Variants in PCDHA1 observed in about 807,000 individuals in gnomAD.
PCDHA1 encodes the protein protocadherin alpha 1.
Under a neutral mutation model 61.3 loss-of-function variants are expected in PCDHA1, and 42 were observed. That is an observed-to-expected ratio of 0.69 (90% confidence interval 0.54 to 0.89). PCDHA1 has a LOEUF of 0.89. Among genes scored for constraint, PCDHA1 ranks in the 40% least tolerant of loss-of-function variants. PCDHA1 has a pLI of 0.00. For synonymous variants in PCDHA1, 610 were observed against 553.8 expected (o/e 1.10, Z -1.43); for missense variants, 1,256 against 1,235.3 (o/e 1.02, Z -0.25).
Position 140,807,876 on chromosome 5 carries a change from T to A in PCDHA1, c.2394+19192T>A, listed in dbSNP as rs781990148. 1.9e-6 allele frequency: 3 copies of A among 1,614,154 alleles called. No individual in the cohort carries two copies. In the South Asian group the frequency reaches 3.3e-5, roughly 18 times the overall value. On this transcript the variant is annotated intron_variant, in intron 1 of 3. Transcript: ENST00000504120. ...TTGACTGGCACCGTTCAGTTACTCA[T>A]CACAGTACTGGATGCCAATGACAAT...
chr5:140,924,747 T>G (rs1026870483), intron 1 of PCDHA1, among the ~76,000 whole-genome samples: 2 of 151,786 alleles, frequency 1.3e-5, no homozygotes, highest in African/African-American at 4.8e-5. Flanking sequence ...ATACAAAAAT[T>G]AACCGAGCAT....
chr5:140,828,715 C>A (rs1301928417), intron 1 of PCDHA1: 2 of 1,614,156 alleles, frequency 1.2e-6, no homozygotes, highest in Non-Finnish European at 1.7e-6. Flanking sequence ...CTCCTGCACA[C>A]AACTTATTCC....
rs559892183 is a variant in PCDHA1, at chr5:140,808,469, C to T, written c.2394+19785C>T. ...AGCCTATGAGCTGGTGGTGACCGCG[C>T]GAGACGGGGGCTCGCCTTCGCTGTG... On this transcript the variant is annotated intron_variant, in intron 1 of 3. Transcript: ENST00000504120. 180 of 1,614,168 alleles carry T rather than the reference C, an allele frequency of 1.1e-4. No individual in the cohort carries two copies. In the East Asian group the frequency reaches 4.0e-3, roughly 36 times the overall value.
chr5:140,805,135 T>C, intron 1 of PCDHA1: 2 of 1,575,436 alleles, frequency 1.3e-6, no homozygotes, highest in Non-Finnish European at 1.7e-6. Context: ...AAAGACATTT[T>C]GAAGACTTTG....
intron 3 of PCDHA1, among the ~76,000 whole-genome samples, chr5:141,003,915 C>T (rs2153979429): frequency 6.6e-6 from 1 of 152,298 alleles, no homozygotes; most frequent in African/African-American, 2.4e-5. Context: ...GTCTTGACTG[C>T]ATCCTCAGTC....
chr5:140,865,243 T>C (rs1554159328), intron 1 of PCDHA1: 1 of 152,228 alleles, frequency 6.6e-6, no homozygotes, highest in Non-Finnish European at 1.5e-5. Flanking sequence ...CACGTATTTA[T>C]AGCTGTAAGG....
intron 1 of PCDHA1, chr5:140,869,512 G>A (rs782635875): frequency 1.9e-6 from 3 of 1,614,072 alleles, no homozygotes; most frequent in Admixed American, 3.3e-5. Flanking sequence ...CTCGCTCAGA[G>A]AACAAAAGCT....
At chr5:140,819,004 A>G (rs1319614838) in intron 1 of PCDHA1, among the ~76,000 whole-genome samples, 1 of 152,238 alleles carries the variant, frequency 6.6e-6, no homozygotes, top group African/African-American at 2.4e-5. Context: ...TCCACAGAGG[A>G]TATATAATAT....
intron 1 of PCDHA1, among the ~76,000 whole-genome samples, chr5:140,941,263 T>TTC (rs2092992439): frequency 7.5e-6 from 1 of 133,334 alleles, no homozygotes; most frequent in Non-Finnish European, 1.6e-5. Flanking sequence ...TTCTCTTTCT[T>TTC]TCTTTCTTTC....
chr5:140,884,967 G>A (rs895578956), intron 1 of PCDHA1, among the ~76,000 whole-genome samples: 2 of 152,134 alleles, frequency 1.3e-5, no homozygotes, highest in African/African-American at 4.8e-5. Context: ...CTCACGTTGT[G>A]AGAACTTAAA....
chr5:140,823,733 A>T (rs2150128573), intron 1 of PCDHA1: 19 of 1,613,748 alleles, frequency 1.2e-5, no homozygotes, highest in Non-Finnish European at 1.6e-5. Flanking sequence ...GTGAAGGACC[A>T]TGGAGAGCCC....
At chr5:140,795,238 C>A (rs1554119319) in intron 1 of PCDHA1, 2 of 1,614,154 alleles carry the variant, frequency 1.2e-6, no homozygotes, top group Admixed American at 1.7e-5. Context: ...TCGGATCGAC[C>A]GGGAGGAGCT....
intron 1 of PCDHA1, among the ~76,000 whole-genome samples, chr5:140,902,916 A>G (rs940228069): frequency 2.0e-5 from 3 of 152,174 alleles, no homozygotes; most frequent in African/African-American, 4.8e-5. Context: ...GCTGAGTAGT[A>G]TTGCATGGTG....
intron 1 of PCDHA1, chr5:140,882,225 C>A (rs782533520): frequency 1.5e-5 from 23 of 1,559,462 alleles, no homozygotes; most frequent in Non-Finnish European, 1.8e-5. Flanking sequence ...TGAGGTAAGG[C>A]GTTGTATATA....
At chr5:140,835,990 G>T (rs2150249638) in intron 1 of PCDHA1, 1 of 1,613,318 alleles carries the variant, frequency 6.2e-7, no homozygotes, top group East Asian at 2.2e-5. Context: ...TTCCAGGTGA[G>T]CGCGCGCGAT....
chr5:140,927,086 A>G (rs2083826085), intron 1 of PCDHA1: 5 of 1,612,296 alleles, frequency 3.1e-6, no homozygotes, highest in Non-Finnish European at 3.4e-6. Context: ...CGCGAGCTCT[A>G]CTTCGGGGTG....
At chr5:140,950,429 T>TGTA (rs1554219455) in intron 1 of PCDHA1, among the ~76,000 whole-genome samples, 5 of 151,900 alleles carry the variant, frequency 3.3e-5, no homozygotes, top group African/African-American at 1.2e-4. Flanking sequence ...TTCTTCCACT[T>TGTA]AAAAAAAATG....
intron 1 of PCDHA1, among the ~76,000 whole-genome samples, chr5:140,926,161 A>C (rs1205520517): frequency 6.6e-6 from 1 of 151,712 alleles, no homozygotes. Flanking sequence ...GCTCTGCAGC[A>C]GGATCCAGCG....
rs370299841 is a variant in PCDHA1, at chr5:140,841,414, C to T, written c.2394+52730C>T. 3 of 1,612,904 alleles carry T rather than the reference C, an allele frequency of 1.9e-6. 1 individual carries two copies. In the African/African-American group the frequency reaches 4.0e-5, roughly 22 times the overall value. ...CCTGGAAGGTGGGGAGCGGCCAGCT[C>T]CACTACTCCGTCCCCGAGGAGGCCA... On this transcript the variant is annotated intron_variant, in intron 1 of 3. Transcript: ENST00000504120.
Sources: allele counts gnomAD v4.1 joint callset (sites outside exome capture counted in the v4.1 genomes callset), GRCh38; gene constraint gnomAD v4.1.1; transcripts MANE v1.5; gene names NCBI Gene and HGNC (gene_info 2026-07-23, HGNC 2026-07-21).